SERPINE3: variants seen among roughly 807,000 people sequenced by gnomAD.
SERPINE3 encodes serpin E3.
A neutral mutation model predicts 41.7 loss-of-function variants in SERPINE3; 43 were observed. The observed-to-expected ratio is 1.03, with a 90% CI of 0.81 to 1.33. The LOEUF (loss-of-function observed/expected upper bound fraction) is 1.33, where lower values mean the gene tolerates loss of function less well. Among genes scored for constraint, SERPINE3 ranks in the 40% most tolerant of loss-of-function variants. The pLI is 0.00. For missense variants in SERPINE3, 440 were observed against 491.7 expected, an observed-to-expected ratio of 0.89 and a Z score of 0.99; for synonymous variants, 200 against 192.2, an observed-to-expected ratio of 1.04 and a Z score of -0.34.
chr13:51,360,185 T>C (rs1364932172), intron 7 of SERPINE3, among the ~76,000 whole-genome samples: 1 of 152,088 alleles, frequency 6.6e-6, no homozygotes, highest in African/African-American at 2.4e-5. Flanking sequence ...AGCGTTAGTC[T>C]AAGATGAAAC....
At chr13:51,344,514 G>A (rs1955327482) in intron 4 of SERPINE3, 29 bp downstream of exon 4, 3 of 1,520,522 alleles carry the variant, frequency 2.0e-6, no homozygotes, top group Non-Finnish European at 1.8e-6. Flanking sequence ...TTTCAACAAG[G>A]CTAAGGCAGA....
Position 51,347,176 on chromosome 13 carries a change from T to C in SERPINE3, c.642T>C (p.Cys214=). 1 of 1,613,982 alleles carries C rather than the reference T, an allele frequency of 6.2e-7. No individual in the cohort carries two copies. Among genetic ancestry groups the C allele is most frequent in the Non-Finnish European group, 8.5e-7 (1 of 1,179,872 alleles). Residue 214 remains cysteine (C), a synonymous_variant, in exon 5 of 10, where the codon TGT becomes TGC. Coordinates refer to ENST00000681248, the MANE Select transcript of SERPINE3 (RefSeq NM_001386375.1). ...ACACACAGATCCTGCCTTTCACCTG[T>C]GCCTATGGCCTCGTCCTTCAGGTCC... ...STDTQILPFT[C]AYGLVLQVPM...
At position 51,347,025 on chromosome 13, in the gene SERPINE3, G is replaced by T; in HGVS notation, c.491G>T (p.Gly164Val). The part of the protein sequence containing the change: ...TSEGASRETA[G>V]GGPSEGPGGW... Reference sequence around the variant, plus strand: ...GGCCACCTTGCTTTCCTGCTTGCAGGTGGGGGCCCCAGTGAGGGCCCTGGT... The same window carrying T: ...GGCCACCTTGCTTTCCTGCTTGCAGTTGGGGGCCCCAGTGAGGGCCCTGGT... The change falls in exon 5 of 10, where the codon GGT becomes GTT. Residue 164 changes from glycine to valine, a missense_variant and splice_region_variant. By Grantham distance (109) the Gly-to-Val change is moderately radical. Transcript: ENST00000681248. 1.3e-6 allele frequency: 2 copies of T among 1,574,134 alleles called. No individual in the cohort carries two copies. The highest frequency in any genetic ancestry group is 2.3e-5 in the South Asian group (2 of 85,886).
At chr13:51,340,471 AT>A (rs1304723009) in intron 1 of SERPINE3, among the ~76,000 whole-genome samples, 1 of 152,146 alleles carries the variant, frequency 6.6e-6, no homozygotes, top group Non-Finnish European at 1.5e-5. Context: ...TATTCTCAAA[AT>A]TTTATATACC....
rs1593653313 is a variant in SERPINE3, at chr13:51,362,093, T to A, written c.1171+200T>A. The A allele has an allele frequency of 4.0e-6, 6 of 1,508,872 alleles. No homozygotes were observed. In the East Asian group the frequency reaches 1.2e-4, roughly 31 times the overall value. 93.5% of individuals were successfully genotyped at this position (1,508,872 alleles called of 1,614,324 possible). On this transcript the variant is annotated intron_variant, in intron 9 of 9. Coordinates refer to ENST00000681248, the MANE Select transcript of SERPINE3 (RefSeq NM_001386375.1). ...GTACAAAGGAAACTTATCCTCCATG[T>A]TTTTTACCTTCTCATTCTCTCAGCT...
At chr13:51,353,807 C>T (rs561239326) in intron 6 of SERPINE3, among the ~76,000 whole-genome samples, 1 of 152,170 alleles carries the variant, frequency 6.6e-6, no homozygotes, top group South Asian at 2.1e-4. Context: ...TGGTCTTGTT[C>T]AATATTTTTA....
At chr13:51,357,647 A>T (rs1476252674) in intron 7 of SERPINE3, among the ~76,000 whole-genome samples, 1 of 152,050 alleles carries the variant, frequency 6.6e-6, no homozygotes, top group Admixed American at 6.6e-5. Context: ...CTCAAGGCCC[A>T]GCTGAAACCA....
At chr13:51,355,246 G>T (rs943666881) in intron 7 of SERPINE3, 103 bp downstream of exon 7, 7 of 453,678 alleles carry the variant, frequency 1.5e-5, no homozygotes, top group African/African-American at 1.1e-4. Flanking sequence ...TTATGTAAAA[G>T]AATAAGAAAG....
rs760954897 is a variant in SERPINE3, at chr13:51,341,331, G to T, written c.240G>T (p.Leu80=). 1 of 1,601,604 alleles carries T rather than the reference G, an allele frequency of 6.2e-7. No homozygotes were observed. Among genetic ancestry groups the T allele is most frequent in the East Asian group, 2.2e-5 (1 of 44,468 alleles). ...GSTGQQLADA[L]GYTVHDKRVK... ...CTGGTCAGCAGCTGGCAGATGCCCT[G>T]GGGTACACTGTCCATGGTAAGAGGC... Residue 80 remains leucine (L), a synonymous_variant, in exon 3 of 10, where the codon CTG becomes CTT. Coordinates refer to ENST00000681248, the MANE Select transcript of SERPINE3 (RefSeq NM_001386375.1).
intron 7 of SERPINE3, among the ~76,000 whole-genome samples, chr13:51,358,156 G>A (rs776337966): frequency 1.3e-5 from 2 of 152,080 alleles, no homozygotes; most frequent in Non-Finnish European, 2.9e-5. Context: ...CGGGTGCTAT[G>A]TGTTTCTCTC....
chr13:51,346,879 T>C (rs1031357853), intron 4 of SERPINE3, 146 bp from the exon 5 acceptor site: 2 of 625,428 alleles, frequency 3.2e-6, no homozygotes, highest in Non-Finnish European at 5.7e-6. Flanking sequence ...TAAAAAGATA[T>C]TGTAAGATGA....
rs1348413162 is a variant in SERPINE3 at position 51,361,815 on chromosome 13, T to C, written c.1093T>C (p.Leu365=). 4 of 1,604,122 alleles carry C rather than the reference T, an allele frequency of 2.5e-6. No homozygotes were observed. Among genetic ancestry groups the C allele is most frequent in the Non-Finnish European group, 3.4e-6 (4 of 1,176,658 alleles). Reference sequence around the variant, plus strand: ...TTTTTCTTTCTTTCCTGCAGCTCTGTTGTTATTGAAAAGGTCTCGGATTCC... The same window carrying C: ...TTTTTCTTTCTTTCCTGCAGCTCTGCTGTTATTGAAAAGGTCTCGGATTCC... The part of the protein sequence containing the change: ...GTKASGATAL[L]LLKRSRIPIF... The change falls in exon 9 of 10, where the codon TTG becomes CTG. Residue 365 remains leucine, a synonymous_variant. Transcript: ENST00000681248.
intron 4 of SERPINE3, among the ~76,000 whole-genome samples, chr13:51,345,249 T>C (rs117685037): frequency 1.3e-5 from 2 of 152,260 alleles, no homozygotes; most frequent in East Asian, 3.9e-4. Flanking sequence ...GCCAGGATTC[T>C]AACCCAGGTG....
intron 6 of SERPINE3, among the ~76,000 whole-genome samples, chr13:51,350,084 T>C (rs1955389936): frequency 6.6e-6 from 1 of 152,158 alleles, no homozygotes; most frequent in African/African-American, 2.4e-5. Context: ...CACTCATTCT[T>C]CTTTTAGTAT....
At chr13:51,353,201 T>A (rs1454972935) in intron 6 of SERPINE3, among the ~76,000 whole-genome samples, 3 of 152,108 alleles carry the variant, frequency 2.0e-5, no homozygotes, top group Non-Finnish European at 4.4e-5. Context: ...TTTACTGATG[T>A]TTTTAGTTTA....
At position 51,364,553 on chromosome 13, in the gene SERPINE3, C is replaced by G; in HGVS notation, c.*271C>G. 3.1e-6 allele frequency: 1 copy of G among 324,938 alleles called. No homozygotes were observed. The highest frequency in any genetic ancestry group is 5.6e-6 in the Non-Finnish European group (1 of 179,680). The allele number at this position is 324,938 out of a possible 1,614,324, so 20.1% of individuals were successfully genotyped here. ...CAGTGATCATGAATGGTGAGTGAGT[C>G]AGGCCATAAGATTGCTTCCTCAGTA... is the stretch of plus-strand genomic sequence containing the variant. On this transcript the variant is annotated 3_prime_UTR_variant, in exon 10 of 10. Coordinates refer to ENST00000681248, the MANE Select transcript of SERPINE3 (RefSeq NM_001386375.1).
chr13:51,364,524 A>T lies in SERPINE3; in HGVS notation c.*242A>T. 1 of 389,302 alleles carries T rather than the reference A, an allele frequency of 2.6e-6. No individual in the cohort carries two copies. The highest frequency in any genetic ancestry group is 4.4e-5 in the East Asian group (1 of 22,922). The allele number at this position is 389,302 out of a possible 1,614,324, so 24.1% of individuals were successfully genotyped here. A position where few individuals can be genotyped will look rare whatever the true frequency, so the allele number is the denominator to read the frequency against. ...CTTACCCCCCAAACCACTAAAAGGC[A>T]CAGCAGTGATCATGAATGGTGAGTG... On this transcript the variant is annotated 3_prime_UTR_variant, in exon 10 of 10. Coordinates refer to ENST00000681248, the MANE Select transcript of SERPINE3 (RefSeq NM_001386375.1).
chr13:51,341,436 C>T, intron 3 of SERPINE3, 89 bp downstream of exon 3: 1 of 1,237,586 alleles, frequency 8.1e-7, no homozygotes, highest in African/African-American at 1.5e-5. Context: ...CACTCACACT[C>T]ACTCTCTCCA....
chr13:51,362,995 C>A lies in SERPINE3; in HGVS notation c.1171+1102C>A, dbSNP rs546890819. ...AATATCACTTATCACCCAGAACAGG[C>A]GGCAGAGAGCCTTCTCTTAGAAAGG... is the stretch of plus-strand genomic sequence containing the variant. On this transcript the variant is annotated intron_variant, in intron 9 of 9. Transcript: ENST00000681248. 5 of 151,938 alleles carry A rather than the reference C, an allele frequency of 3.3e-5. No individual in the cohort carries two copies. The South Asian group carries it at 6.2e-4, about 19-fold the overall frequency. The allele number at this position is 151,938 out of a possible 1,614,324, so 9.4% of individuals were successfully genotyped here. A position where few individuals can be genotyped will look rare whatever the true frequency, so the allele number is the denominator to read the frequency against.
Sources: allele counts gnomAD v4.1 joint callset (sites outside exome capture counted in the v4.1 genomes callset), GRCh38; gene constraint gnomAD v4.1.1; transcripts MANE v1.5; gene names NCBI Gene and HGNC (gene_info 2026-07-23, HGNC 2026-07-21).